Variants in TCF12 observed in about 807,000 individuals in gnomAD.
TCF12 encodes the protein transcription factor 12.
Under a neutral mutation model 86.0 loss-of-function variants are expected in TCF12, and 45 were observed. That is an observed-to-expected ratio of 0.52 (90% CI 0.41 to 0.67). TCF12 has a LOEUF of 0.67. Among genes scored for constraint, TCF12 ranks in the 30% least tolerant of loss-of-function variants. The probability of loss-of-function intolerance (pLI) is 0.00; values close to 1 mark genes in which losing one functional copy is unlikely to be tolerated. For missense variants in TCF12, 881 were observed against 859.9 expected, an observed-to-expected ratio of 1.02 and a Z score of -0.31; for synonymous variants, 330 against 299.6, an observed-to-expected ratio of 1.10 and a Z score of -1.05.
At chr15:57,029,355 C>T (rs1484897167) in intron 3 of TCF12, among the ~76,000 whole-genome samples, 1 of 151,964 alleles carries the variant, frequency 6.6e-6, no homozygotes, top group African/African-American at 2.4e-5. Context: ...GCCTACCTGA[C>T]TTTGTTTTTC....
chr15:57,023,480 C>G (rs1336789378), intron 3 of TCF12, among the ~76,000 whole-genome samples: 2 of 152,092 alleles, frequency 1.3e-5, no homozygotes, highest in Non-Finnish European at 2.9e-5. Context: ...CAGTTATATT[C>G]TAGTTTACTT....
chr15:57,115,417 A>AT (rs1337355572), intron 5 of TCF12, among the ~76,000 whole-genome samples: 1 of 152,184 alleles, frequency 6.6e-6, no homozygotes, highest in Non-Finnish European at 1.5e-5. Flanking sequence ...TGGCAGTGAC[A>AT]TTAGTGGCAT....
chr15:57,047,599 A>G (rs1334333188), intron 3 of TCF12, among the ~76,000 whole-genome samples: 2 of 152,222 alleles, frequency 1.3e-5, no homozygotes, highest in Non-Finnish European at 1.5e-5. Flanking sequence ...ATGCCAGAAA[A>G]TAATTCTTGA....
intron 3 of TCF12, among the ~76,000 whole-genome samples, chr15:57,049,218 C>A (rs2141549679): frequency 6.6e-6 from 1 of 152,278 alleles, no homozygotes; most frequent in South Asian, 2.1e-4. Context: ...CTATGTAGTT[C>A]AATTCATCTT....
At chr15:57,251,198 T>A in intron 13 of TCF12, 152 bp from the exon 14 acceptor site, 1 of 515,846 alleles carries the variant, frequency 1.9e-6, no homozygotes, top group South Asian at 3.6e-5. Context: ...TAAAATGTGT[T>A]GGGCTTATAA....
intron 13 of TCF12, among the ~76,000 whole-genome samples, chr15:57,249,122 C>G (rs2059993267): frequency 6.6e-6 from 1 of 152,040 alleles, no homozygotes; most frequent in African/African-American, 2.4e-5. Context: ...TATGATTAAC[C>G]TGGTCACCTA....
At chr15:57,278,117 C>G (rs998298955) in intron 19 of TCF12, among the ~76,000 whole-genome samples, 8 of 152,170 alleles carry the variant, frequency 5.3e-5, no homozygotes, top group African/African-American at 1.9e-4. Flanking sequence ...CAGGCATTAG[C>G]CACCACACCT....
At chr15:57,217,929 T>C (rs147262483) in intron 8 of TCF12, among the ~76,000 whole-genome samples, 4 of 152,310 alleles carry the variant, frequency 2.6e-5, no homozygotes, top group African/African-American at 9.6e-5. Flanking sequence ...CTCCGCAGAC[T>C]GGCATTTTAA....
At chr15:57,160,772 G>A (rs867242904) in intron 5 of TCF12, among the ~76,000 whole-genome samples, 25 of 151,980 alleles carry the variant, frequency 1.6e-4, no homozygotes, top group African/African-American at 2.9e-4. Flanking sequence ...AGCTCACTGC[G>A]GCCTCAAACT....
chr15:57,196,978 G>A (rs1237967926), intron 7 of TCF12, among the ~76,000 whole-genome samples: 2 of 151,886 alleles, frequency 1.3e-5, no homozygotes, highest in Admixed American at 6.6e-5. Context: ...AGCAAGCATA[G>A]CATTAGCTCT....
intron 4 of TCF12, among the ~76,000 whole-genome samples, chr15:57,067,557 A>G (rs2069002381): frequency 6.6e-6 from 1 of 151,246 alleles, no homozygotes; most frequent in East Asian, 1.9e-4. Context: ...AAAAAAAAAA[A>G]AAAAAAGAGT....
intron 8 of TCF12, among the ~76,000 whole-genome samples, chr15:57,199,000 CTG>C (rs1170448717): frequency 2.0e-5 from 3 of 152,156 alleles, no homozygotes; most frequent in African/African-American, 4.8e-5. Flanking sequence ...GAAATCCTCT[CTG>C]TAACTCAGTT....
chr15:57,157,732 T>G (rs1039683484), intron 5 of TCF12, among the ~76,000 whole-genome samples: 5 of 151,760 alleles, frequency 3.3e-5, no homozygotes. Flanking sequence ...CGAGCTAATT[T>G]TTGTATTTTT....
chr15:57,015,684 C>T (rs986425845), intron 3 of TCF12, among the ~76,000 whole-genome samples: 1 of 143,004 alleles, frequency 7.0e-6, no homozygotes, highest in Non-Finnish European at 1.6e-5. Context: ...GTTTCTTAGA[C>T]AGTTTCTCCA....
chr15:57,142,304 T>TATAGATAGATAG (rs60126987), intron 5 of TCF12, among the ~76,000 whole-genome samples: 49,647 of 149,444 alleles, frequency 0.33, 8,511 homozygotes, highest in Admixed American at 0.38. Flanking sequence ...CTCACACTTT[T>TATAGATAGATAG]ATAGATAGAT....
At chr15:57,058,743 C>T (rs568912173) in intron 3 of TCF12, among the ~76,000 whole-genome samples, 7 of 152,100 alleles carry the variant, frequency 4.6e-5, no homozygotes, top group Non-Finnish European at 1.0e-4. Context: ...TAGCTTTTCC[C>T]TTTTTTACTA....
rs35067646 is a variant in TCF12, at chr15:56,961,126, CAAA to C, written c.148+40045_148+40047del. ...GGGCAACAAGAGTGAAACTCTGTCT[CAAA>C]AAAAAAAAAAAAAAAATCAGTTCAT... is the stretch of plus-strand genomic sequence containing the variant. On this transcript the variant is annotated intron_variant, in intron 3 of 20. Coordinates refer to ENST00000333725, the MANE Select transcript of TCF12 (RefSeq NM_207037.2). Among the ~76,000 whole-genome samples, 829 of 136,192 alleles carry C rather than the reference CAAA, an allele frequency of 6.1e-3. 2 individuals are homozygous for C. The highest frequency in any genetic ancestry group is 0.012 in the African/African-American group (450 of 36,158). The allele number at this position is 136,192 out of a possible 152,430, so 89.3% of individuals were successfully genotyped here.
intron 5 of TCF12, among the ~76,000 whole-genome samples, chr15:57,127,427 G>A (rs927244850): frequency 3.3e-5 from 5 of 152,072 alleles, no homozygotes; most frequent in Admixed American, 3.3e-4. Context: ...GTCATTCATA[G>A]TTCACACAAG....
At chr15:57,230,789 T>C (rs778161587) in intron 8 of TCF12, among the ~76,000 whole-genome samples, 6 of 152,048 alleles carry the variant, frequency 3.9e-5, no homozygotes, top group Non-Finnish European at 7.4e-5. Flanking sequence ...TGTTATGCTA[T>C]ATTGAAAGGA....
Sources: allele counts gnomAD v4.1 joint callset (sites outside exome capture counted in the v4.1 genomes callset), GRCh38; gene constraint gnomAD v4.1.1; transcripts MANE v1.5; gene names NCBI Gene and HGNC (gene_info 2026-07-23, HGNC 2026-07-21).